DENND3: variants seen among roughly 807,000 people sequenced by gnomAD.
DENND3 encodes the protein DENN domain containing 3, also known as DENN domain-containing protein 3.
DENND3 carries 88 observed loss-of-function variants against 135.1 expected under a neutral mutation model. The observed-to-expected ratio is 0.65, with a 90% CI of 0.55 to 0.78. The LOEUF is 0.78. Among genes scored for constraint, DENND3 ranks in the 30% least tolerant of loss-of-function variants. The pLI, the probability that DENND3 is intolerant of heterozygous loss-of-function variation, is 0.00. For synonymous variants in DENND3, 693 were observed against 712.3 expected, an observed-to-expected ratio of 0.97 and a Z score of 0.43; for missense variants, 1,392 against 1,688.4, an observed-to-expected ratio of 0.82 and a Z score of 3.08.
At chr8:141,185,403 CAG>C in intron 18 of DENND3, 125 bp downstream of exon 18, 1 of 1,297,124 alleles carries the variant, frequency 7.7e-7, no homozygotes, top group Non-Finnish European at 1.0e-6. Flanking sequence ...TTTCTGTAAA[CAG>C]GGGGTCTTAA....
rs1373295984 is a variant in DENND3 at position 141,136,530 on chromosome 8, A to G, written c.124A>G (p.Lys42Glu). ...LEQVAYKKGV[K>E]HLSALLDPEV... ...TTAGGTTGCTTATAAAAAGGGAGTCAAACATCTTTCTGCTCTTCTTGATCC... is the reference window on the plus strand; with the variant it reads ...TTAGGTTGCTTATAAAAAGGGAGTCGAACATCTTTCTGCTCTTCTTGATCC... Residue 42 changes from lysine to glutamate, a missense_variant, in exon 2 of 23, where the codon AAA becomes GAA. Physicochemically the swap from Lys to Glu is moderately conservative, Grantham distance 56 (BLOSUM62 1). Transcript: ENST00000519811. The G allele has an allele frequency of 6.5e-7, 1 of 1,548,124 alleles. No individual in the cohort carries two copies. Among genetic ancestry groups the G allele is most frequent in the African/African-American group, 1.4e-5 (1 of 72,894 alleles).
intron 16 of DENND3, among the ~76,000 whole-genome samples, chr8:141,180,077 T>C (rs1173362077): frequency 1.3e-5 from 2 of 152,132 alleles, no homozygotes; most frequent in African/African-American, 4.8e-5. Flanking sequence ...TTGGATTGGA[T>C]AGCAAGAGGA....
At chr8:141,190,820 T>A (rs1460894582) in intron 20 of DENND3, among the ~76,000 whole-genome samples, 1 of 152,258 alleles carries the variant, frequency 6.6e-6, no homozygotes, top group African/African-American at 2.4e-5. Flanking sequence ...GCCCGTGCTC[T>A]GTTCCCCTCG....
chr8:141,157,337 G>C, intron 8 of DENND3: 1 of 985,436 alleles, frequency 1.0e-6, no homozygotes, highest in African/African-American at 1.7e-5. Context: ...CAGTGACTCA[G>C]CTTCAGTGCC....
chr8:141,144,082 C>T lies in DENND3; in HGVS notation c.624-66C>T, dbSNP rs141231807. The T allele has an allele frequency of 1.3e-3, 1,834 of 1,371,580 alleles. 31 individuals carry two copies. The African/African-American group carries it at 0.023, about 17-fold the overall frequency. 85.0% of individuals were successfully genotyped at this position (1,371,580 alleles called of 1,614,324 possible). On this transcript the variant is annotated intron_variant, in intron 4 of 22. Coordinates refer to ENST00000519811, the MANE Select transcript of DENND3 (RefSeq NM_001352890.3). The surrounding 1 kb of genome is among the most constrained non-coding windows in gnomAD (Gnocchi z 4.4). ...GGGGAGATTCCAGTGTGATTAGAAA[C>T]GCTAACGATGACAACTGCGTTCTCA...
rs1028181065 is a variant in DENND3 at position 141,138,222 on chromosome 8, CT to C, written c.501+86del. ...TACACATAACACAACATTCACCATT[CT>C]AACCATTTTAAAGTGTGCAGTTCCG... On this transcript the variant is annotated intron_variant, in intron 3 of 22. Coordinates refer to ENST00000519811, the MANE Select transcript of DENND3 (RefSeq NM_001352890.3). The surrounding 1 kb of genome is among the most constrained non-coding windows in gnomAD (Gnocchi z 4.8). The C allele has an allele frequency of 1.5e-6, 2 of 1,363,502 alleles. No homozygotes were observed. The highest frequency in any genetic ancestry group is 2.9e-5 in the African/African-American group (2 of 69,386). 84.5% of individuals were successfully genotyped at this position (1,363,502 alleles called of 1,614,324 possible). A position where few individuals can be genotyped will look rare whatever the true frequency, so the allele number is the denominator to read the frequency against.
intron 7 of DENND3, 54 bp downstream of exon 7, chr8:141,151,891 G>C: frequency 6.3e-7 from 1 of 1,593,842 alleles, no homozygotes; most frequent in South Asian, 1.1e-5. Flanking sequence ...GTCCATCACG[G>C]GGACACATGG....
Position 141,176,726 on chromosome 8 carries a change from A to T in DENND3, c.2671A>T (p.Met891Leu). ...CDLWHLMVKE[M>L]WAGKKLADDH... ...CCTTTGGCACCTGATGGTGAAGGAG[A>T]TGTGGGCTGGGAAGAAGCTGGCCGA... The change falls in exon 15 of 23, where the codon ATG (methionine) becomes TTG (leucine). Residue 891 changes from methionine to leucine, a missense_variant. Transcript: ENST00000519811. 6.2e-7 allele frequency: 1 copy of T among 1,614,016 alleles called. No individual in the cohort carries two copies.
rs748862839 is a variant in DENND3 at position 141,175,581 on chromosome 8, G to A, written c.2535+122G>A. 6.1e-6 allele frequency: 9 copies of A among 1,475,366 alleles called. No individual in the cohort carries two copies. Among genetic ancestry groups the A allele is most frequent in the African/African-American group, 2.8e-5 (2 of 72,188 alleles). The allele number at this position is 1,475,366 out of a possible 1,614,324, so 91.4% of individuals were successfully genotyped here. Reference sequence around the variant, plus strand: ...ACCAGCTGCAGCCCTTCTGCAGACCGAATGCCTTCCTGTCCCTCAGTTTGC... The same window carrying A: ...ACCAGCTGCAGCCCTTCTGCAGACCAAATGCCTTCCTGTCCCTCAGTTTGC... On this transcript the variant is annotated intron_variant, in intron 14 of 22. Transcript: ENST00000519811. The surrounding 1 kb of genome is among the most constrained non-coding windows in gnomAD (Gnocchi z 5.4).
rs1364557044 is a variant in DENND3 at position 141,144,558 on chromosome 8, C to T, written c.735+299C>T. Among the ~76,000 whole-genome samples the T allele has an allele frequency of 6.6e-6, 1 of 151,934 alleles. No individual in the cohort carries two copies. The highest frequency in any genetic ancestry group is 1.9e-4 in the East Asian group (1 of 5,202). ...GGGTGTTTGTGTATAGGGTTGTAAA[C>T]TAAAACGAAAATCCTAAGCCTCCCT... is the stretch of plus-strand genomic sequence containing the variant. On this transcript the variant is annotated intron_variant, in intron 5 of 22. Coordinates refer to ENST00000519811, the MANE Select transcript of DENND3 (RefSeq NM_001352890.3). This position sits in a 1 kb window ranked among gnomAD's most constrained non-coding sequence, Gnocchi z 4.4.
intron 5 of DENND3, among the ~76,000 whole-genome samples, chr8:141,149,614 G>A (rs1190547860): frequency 6.6e-6 from 1 of 152,210 alleles, no homozygotes; most frequent in Non-Finnish European, 1.5e-5. Flanking sequence ...AGCCCTGGCC[G>A]GATGCTGTCC....
Position 141,178,130 on chromosome 8 carries a change from C to T in DENND3, c.2770C>T (p.Leu924=), listed in dbSNP as rs758576083. ...VLLMDAVVGT[L]QSPGAIYAAS... ...GCTGATGGACGCCGTCGTGGGCACA[C>T]TGCAGTCACCAGGCGCCATCTACGC... is the stretch of plus-strand genomic sequence containing the variant. The change falls in exon 16 of 23, where the codon CTG becomes TTG. Residue 924 remains leucine, a synonymous_variant. Transcript: ENST00000519811. 1 of 1,613,366 alleles carries T rather than the reference C, an allele frequency of 6.2e-7. No homozygotes were observed. Among genetic ancestry groups the T allele is most frequent in the Non-Finnish European group, 8.5e-7 (1 of 1,179,260 alleles).
rs1818135436 is a variant in DENND3 at position 141,146,342 on chromosome 8, C to A, written c.735+2083C>A. On this transcript the variant is annotated intron_variant, in intron 5 of 22. Coordinates refer to ENST00000519811, the MANE Select transcript of DENND3 (RefSeq NM_001352890.3). The surrounding 1 kb of genome is among the most constrained non-coding windows in gnomAD (Gnocchi z 4.3). ...ACACAGGGTTTGGGGTTAAGTGAAGCTGGAGATGTGGCTGGCCACCTTCCC... is the reference window on the plus strand; with the variant it reads ...ACACAGGGTTTGGGGTTAAGTGAAGATGGAGATGTGGCTGGCCACCTTCCC... Among the ~76,000 whole-genome samples, 1 of 152,170 alleles carries A rather than the reference C, an allele frequency of 6.6e-6. No homozygotes were observed. The highest frequency in any genetic ancestry group is 6.5e-5 in the Admixed American group (1 of 15,276).
Position 141,139,574 on chromosome 8 carries a change from G to A in DENND3, c.501+1437G>A, listed in dbSNP as rs536108245. On this transcript the variant is annotated intron_variant, in intron 3 of 22. Transcript: ENST00000519811. The surrounding 1 kb of genome is among the most constrained non-coding windows in gnomAD (Gnocchi z 4.2). Reference sequence around the variant, plus strand: ...GGATGAGAGGAAGGTGCCCCTCCACGTAGCCAGTGTTCCAGATGAGAAAGG... The same window carrying A: ...GGATGAGAGGAAGGTGCCCCTCCACATAGCCAGTGTTCCAGATGAGAAAGG... 2.0e-5 allele frequency among the ~76,000 whole-genome samples: 3 copies of A among 152,318 alleles called. No homozygotes were observed. The highest frequency in any genetic ancestry group is 7.2e-5 in the African/African-American group (3 of 41,576).
intron 8 of DENND3, among the ~76,000 whole-genome samples, chr8:141,157,017 T>A (rs1259454468): frequency 6.6e-6 from 1 of 151,964 alleles, no homozygotes; most frequent in Non-Finnish European, 1.5e-5. Context: ...CTCCTGACCT[T>A]GTAATCTGCC....
Position 141,176,676 on chromosome 8 carries a change from A to C in DENND3, c.2621A>C (p.Glu874Ala). 1.2e-6 allele frequency: 2 copies of C among 1,614,262 alleles called. No individual in the cohort carries two copies. Among genetic ancestry groups the C allele is most frequent in the Non-Finnish European group, 1.7e-6 (2 of 1,180,048 alleles). The stretch of plus-strand genomic sequence containing the variant: ...GTGGCGTCCAAGAAAGAAGTCTTCG[A>C]AGCCAACCTGAAAACCGAGTGTGAC... ...IRVASKKEVF[E>A]ANLKTECDLW... is the part of the protein sequence containing the mutation. Residue 874 changes from glutamate (E) to alanine (A), a missense_variant, in exon 15 of 23, where the codon GAA (glutamate) becomes GCA (alanine). Glu to Ala is a moderately radical substitution (Grantham distance 107). Coordinates refer to ENST00000519811, the MANE Select transcript of DENND3 (RefSeq NM_001352890.3).
intron 16 of DENND3, among the ~76,000 whole-genome samples, chr8:141,178,578 C>T (rs1822693756): frequency 1.3e-5 from 2 of 152,182 alleles, no homozygotes; most frequent in South Asian, 4.1e-4. Context: ...TGGTGGGGAG[C>T]GGGTGTCTGG....
Position 141,165,192 on chromosome 8 carries a change from G to C in DENND3, c.1456G>C (p.Asp486His). 1 of 1,613,978 alleles carries C rather than the reference G, an allele frequency of 6.2e-7. No individual in the cohort carries two copies. Among genetic ancestry groups the C allele is most frequent in the Non-Finnish European group, 8.5e-7 (1 of 1,179,842 alleles). The change falls in exon 11 of 23, where the codon GAC (aspartate) becomes CAC (histidine). Residue 486 changes from aspartate (D) to histidine (H), a missense_variant. By Grantham distance (81) the Asp-to-His change is moderately conservative. Coordinates refer to ENST00000519811, the MANE Select transcript of DENND3 (RefSeq NM_001352890.3). ...GCCCCTCTCTCTTTTCCAGGTCTTAGACACCTACATGTTCCATTCTTTTCT... is the reference window on the plus strand; with the variant it reads ...GCCCCTCTCTCTTTTCCAGGTCTTACACACCTACATGTTCCATTCTTTTCT... ...GDHQFYKQVL[D>H]TYMFHSFLKA... is the part of the protein sequence containing the mutation.
intron 5 of DENND3, among the ~76,000 whole-genome samples, chr8:141,147,020 G>A (rs574737523): frequency 1.2e-4 from 18 of 152,298 alleles, no homozygotes; most frequent in Admixed American, 8.5e-4. Context: ...CACTCCCAGC[G>A]CTGCTCCGGG....
Sources: allele counts gnomAD v4.1 joint callset (sites outside exome capture counted in the v4.1 genomes callset), GRCh38; gene constraint gnomAD v4.1.1; non-coding constraint Gnocchi (gnomAD v3.1); transcripts MANE v1.5; gene names NCBI Gene and HGNC (gene_info 2026-07-23, HGNC 2026-07-21).